UPP2: variants seen among roughly 807,000 people sequenced by gnomAD.
UPP2 encodes UPase 2.
In UPP2, 23 loss-of-function variants were observed where a neutral mutation model predicts 26.7. That is an observed-to-expected ratio of 0.86 (90% CI 0.62 to 1.22). UPP2 has a LOEUF of 1.22. Among genes scored for constraint, UPP2 ranks in the 50% most tolerant of loss-of-function variants. UPP2 has a pLI of 0.00. For missense variants in UPP2, 387 were observed against 396.7 expected, an observed-to-expected ratio of 0.98 and a Z score of 0.21; for synonymous variants, 127 against 141.3, an observed-to-expected ratio of 0.90 and a Z score of 0.72.
intron 3 of UPP2, among the ~76,000 whole-genome samples, chr2:158,058,407 TCTCC>T (rs1304328978): frequency 2.8e-3 from 33 of 11,596 alleles, no homozygotes; most frequent in Middle Eastern, 0.033. Context: ...TCTCTCTCTC[TCTCC>T]CCCCAACCTG....
chr2:158,027,796 G>C (rs1368600115), intron 3 of UPP2, among the ~76,000 whole-genome samples: 1 of 152,182 alleles, frequency 6.6e-6, no homozygotes, highest in African/African-American at 2.4e-5. Context: ...AATCTAGGCG[G>C]AGGTTTCCAA....
intron 3 of UPP2, among the ~76,000 whole-genome samples, chr2:158,063,493 GCAA>G (rs1682384466): frequency 6.6e-6 from 1 of 152,134 alleles, no homozygotes; most frequent in Non-Finnish European, 1.5e-5. Flanking sequence ...CTGGCTGCTT[GCAA>G]CATGGCCACC....
At chr2:158,001,863 G>T (rs1041526554) in intron 2 of UPP2, among the ~76,000 whole-genome samples, 3 of 143,884 alleles carry the variant, frequency 2.1e-5, no homozygotes, top group African/African-American at 5.0e-5. Context: ...GTAACAGGAG[G>T]TTTTGTTCTT....
rs139927368 is a variant in UPP2, at chr2:158,027,813, A to G, written c.147+11927A>G. Among the ~76,000 whole-genome samples the G allele has an allele frequency of 5.9e-5, 9 of 152,310 alleles. No homozygotes were observed. The East Asian group carries it at 1.2e-3, about 20-fold the overall frequency. Reference sequence around the variant, plus strand: ...TCTAGGCGGAGGTTTCCAAACCCCAATTCTTGACTTCTGTGCACTTGCAGG... The same window carrying G: ...TCTAGGCGGAGGTTTCCAAACCCCAGTTCTTGACTTCTGTGCACTTGCAGG... On this transcript the variant is annotated intron_variant, in intron 3 of 9. Coordinates refer to the UPP2 transcript ENST00000605860.
chr2:158,032,340 C>T (rs1217921298), intron 3 of UPP2, among the ~76,000 whole-genome samples: 1 of 152,154 alleles, frequency 6.6e-6, no homozygotes, highest in Non-Finnish European at 1.5e-5. Flanking sequence ...ATGTAGGGGA[C>T]CCCCTCCATG....
chr2:158,037,945 G>C (rs1188703931), intron 3 of UPP2, among the ~76,000 whole-genome samples: 1 of 152,162 alleles, frequency 6.6e-6, no homozygotes, highest in Non-Finnish European at 1.5e-5. Context: ...CAACATCTTA[G>C]ATGGTTTTGA....
intron 6 of UPP2, among the ~76,000 whole-genome samples, chr2:158,134,248 C>G (rs544764895): frequency 6.6e-6 from 1 of 152,112 alleles, no homozygotes; most frequent in Non-Finnish European, 1.5e-5. Flanking sequence ...CTGAGGTCAG[C>G]GTTCTATATC....
At chr2:158,012,331 G>C (rs1003565403) in intron 2 of UPP2, among the ~76,000 whole-genome samples, 2 of 126,064 alleles carry the variant, frequency 1.6e-5, no homozygotes, top group Non-Finnish European at 3.1e-5. Context: ...ACAGTGAAAC[G>C]ATCTCGGCTC....
intron 6 of UPP2, among the ~76,000 whole-genome samples, chr2:158,134,324 C>T (rs547372212): frequency 3.3e-5 from 5 of 152,292 alleles, no homozygotes; most frequent in African/African-American, 1.2e-4. Context: ...ACCATTGCAC[C>T]AAGGAGAAAA....
chr2:158,118,663 A>T (rs920867555), intron 4 of UPP2, among the ~76,000 whole-genome samples: 17 of 152,220 alleles, frequency 1.1e-4, no homozygotes, highest in African/African-American at 4.1e-4. Flanking sequence ...GTGCAAATAC[A>T]GACTGCACAT....
At chr2:158,032,925 C>T (rs954587416) in intron 3 of UPP2, among the ~76,000 whole-genome samples, 1 of 152,094 alleles carries the variant, frequency 6.6e-6, no homozygotes, top group African/African-American at 2.4e-5. Flanking sequence ...ATTTTCCTGA[C>T]CTCTTTCATC....
chr2:158,024,514 G>A (rs1050134458), intron 3 of UPP2, among the ~76,000 whole-genome samples: 1 of 152,184 alleles, frequency 6.6e-6, no homozygotes, highest in East Asian at 1.9e-4. Context: ...CACCTTCGGC[G>A]TCAATTTGAA....
At chr2:158,025,279 G>C (rs75963418) in intron 3 of UPP2, among the ~76,000 whole-genome samples, 6,438 of 152,100 alleles carry the variant, frequency 0.042, 219 homozygotes, top group East Asian at 0.2. Context: ...AAATGCTCTG[G>C]ATAAATGCAA....
chr2:158,042,314 A>G (rs1260769493), intron 3 of UPP2, among the ~76,000 whole-genome samples: 1 of 151,782 alleles, frequency 6.6e-6, no homozygotes, highest in Non-Finnish European at 1.5e-5. Flanking sequence ...GGGAAGAACA[A>G]CCCCCCTCGC....
chr2:158,107,716 A>AT (rs1683225323), intron 2 of UPP2, among the ~76,000 whole-genome samples: 1 of 152,120 alleles, frequency 6.6e-6, no homozygotes, highest in African/African-American at 2.4e-5. Flanking sequence ...GCCTATGATT[A>AT]GTAGGTGCTG....
At chr2:158,124,584 G>T (rs1683653040) in intron 6 of UPP2, among the ~76,000 whole-genome samples, 1 of 152,186 alleles carries the variant, frequency 6.6e-6, no homozygotes, top group Non-Finnish European at 1.5e-5. Context: ...GACCCGAATG[G>T]GGTCAAGGGC....
intron 3 of UPP2, among the ~76,000 whole-genome samples, chr2:158,043,736 G>A (rs1294379882): frequency 2.6e-5 from 4 of 152,152 alleles, no homozygotes; most frequent in South Asian, 2.1e-4. Context: ...GCATAGTTAC[G>A]ACCATCTGGT....
rs115750857 is a variant in UPP2 at position 158,001,618 on chromosome 2, A to G, written c.61+6359A>G. Among the ~76,000 whole-genome samples, 480 of 152,228 alleles carry G rather than the reference A, an allele frequency of 3.2e-3. 5 individuals carry two copies. The highest frequency in any genetic ancestry group is 0.011 in the African/African-American group (449 of 41,536). On this transcript the variant is annotated intron_variant, in intron 2 of 9. Transcript: ENST00000605860. ...TGATGAAGGGAATAGGGTGGACTGG[A>G]AGAACAACTGGGAAACATCAAGCAC...
In UPP2 at chr2:158,074,033, C is replaced by T. The variant is rs559809205; in HGVS notation, c.148-28007C>T. On this transcript the variant is annotated intron_variant, in intron 3 of 9. Coordinates refer to the UPP2 transcript ENST00000605860. ...CTCCAAATTTTTATTTAAAAATTAG[C>T]TGGGTGTGGTGGCATGCACTTGTAG... 8.5e-5 allele frequency among the ~76,000 whole-genome samples: 13 copies of T among 152,210 alleles called. No individual in the cohort carries two copies. In the East Asian group the frequency reaches 2.3e-3, roughly 27 times the overall value.
Sources: allele counts gnomAD v4.1 joint callset (sites outside exome capture counted in the v4.1 genomes callset), GRCh38; gene constraint gnomAD v4.1.1; transcripts MANE v1.5; gene names NCBI Gene and HGNC (gene_info 2026-07-23, HGNC 2026-07-21).